The following DCTN2 variants were observed in gnomAD, a reference collection of about 807,000 sequenced individuals.
DCTN2 encodes 50 kDa dynein-associated polypeptide.
Under a neutral mutation model 55.4 loss-of-function variants are expected in DCTN2, and 18 were observed. That is an observed-to-expected ratio of 0.32 (90% CI 0.22 to 0.48). DCTN2 has a LOEUF of 0.48. Among genes scored for constraint, DCTN2 ranks in the 20% least tolerant of loss-of-function variants. The pLI is 0.99. For missense variants in DCTN2, 390 were observed against 491.0 expected (o/e 0.79, Z 1.94); for synonymous variants, 168 against 185.2 (o/e 0.91, Z 0.76).
chr12:57,542,211 G>T (rs186315109), intron 2 of DCTN2, among the ~76,000 whole-genome samples: 1 of 152,070 alleles, frequency 6.6e-6, no homozygotes, highest in Non-Finnish European at 1.5e-5. Flanking sequence ...GGGAGGTGGA[G>T]GTTACAGTGA....
At chr12:57,539,950 C>T (rs1372124246) in intron 2 of DCTN2, 2 of 265,710 alleles carry the variant, frequency 7.5e-6, no homozygotes, top group Non-Finnish European at 5.8e-6. Flanking sequence ...CATTTGAACC[C>T]GGGAGGTGGA....
chr12:57,546,404 C>T lies in DCTN2; in HGVS notation c.37-308G>A, dbSNP rs542787979. ...ATTGCCAAAGAAGGTGAAGGCTATCCTCCAATTAGGCCCCGTACACCACCA... is the reference window on the plus strand; with the variant it reads ...ATTGCCAAAGAAGGTGAAGGCTATCTTCCAATTAGGCCCCGTACACCACCA... On this transcript the variant is annotated intron_variant, in intron 1 of 13. Transcript: ENST00000548249. Among the ~76,000 whole-genome samples the T allele has an allele frequency of 3.9e-5, 6 of 152,170 alleles. No homozygotes were observed. In the East Asian group the frequency reaches 7.7e-4, roughly 20 times the overall value.
chr12:57,537,768 C>T (rs1005526765), intron 2 of DCTN2, among the ~76,000 whole-genome samples: 1 of 152,148 alleles, frequency 6.6e-6, no homozygotes, highest in African/African-American at 2.4e-5. Flanking sequence ...GGGGGAGAGA[C>T]ATTTGAGTCC....
At chr12:57,546,467 T>A (rs550187526) in intron 1 of DCTN2, among the ~76,000 whole-genome samples, 1 of 152,050 alleles carries the variant, frequency 6.6e-6, no homozygotes, top group South Asian at 2.1e-4. Context: ...AGGACCTTAG[T>A]ACTCAAGGTC....
At position 57,534,280 on chromosome 12, in the gene DCTN2, T is replaced by G. The variant is rs199688732; in HGVS notation, c.524+12A>C. On this transcript the variant is annotated intron_variant, in intron 6 of 13. Transcript: ENST00000548249. ...AGTCAGCAATGATTTTTCAACAAAG[T>G]AGGGTACCCACTTAGCCAGGGCGCC... 1 of 1,573,156 alleles carries G rather than the reference T, an allele frequency of 6.4e-7. No individual in the cohort carries two copies.
In DCTN2 at chr12:57,533,995, T is replaced by C. The variant is rs754914645; in HGVS notation, c.627A>G (p.Leu209=). The change falls in exon 7 of 14, where the codon CTA becomes CTG. Residue 209 remains leucine (L), a synonymous_variant. Coordinates refer to ENST00000548249, the MANE Select transcript of DCTN2 (RefSeq NM_001261413.2). ...ACTTGTCCTGCTCAGGCCGAGAATG[T>C]AGTTCATAAGTGACAAGGCTGCTAT... ...PPDSSLVTYE[L]HSRPEQDKFS... is the part of the protein sequence containing the mutation. 3 of 1,613,622 alleles carry C rather than the reference T, an allele frequency of 1.9e-6. No individual in the cohort carries two copies. The highest frequency in any genetic ancestry group is 1.1e-5 in the South Asian group (1 of 91,020).
In DCTN2 at chr12:57,546,049, A is replaced by G. The variant is rs1410904029; in HGVS notation, c.84T>C (p.Asp28=). The change falls in exon 2 of 14, where the codon GAT becomes GAC. Residue 28 remains aspartate, a synonymous_variant. Coordinates refer to ENST00000548249, the MANE Select transcript of DCTN2 (RefSeq NM_001261413.2). The part of the protein sequence containing the change: ...DVYETSDLPE[D]DQAEFDAEEL... ...TTACCGCATCGAACTCCGCTTGATC[A>G]TCCTCAGGTAGGTCGCTAGTTTCAT... 1 of 1,613,834 alleles carries G rather than the reference A, an allele frequency of 6.2e-7. No individual in the cohort carries two copies. Among genetic ancestry groups the G allele is most frequent in the South Asian group, 1.1e-5 (1 of 91,074 alleles).
At chr12:57,535,907 C>G in intron 2 of DCTN2, 62 bp from the exon 3 acceptor site, 1 of 1,285,432 alleles carries the variant, frequency 7.8e-7, no homozygotes, top group Non-Finnish European at 1.1e-6. Flanking sequence ...CTTACTCTAC[C>G]CCACAAAATC....
At chr12:57,533,115 T>C in intron 8 of DCTN2, 93 bp from the exon 9 acceptor site, 1 of 1,553,680 alleles carries the variant, frequency 6.4e-7, no homozygotes, top group Non-Finnish European at 8.8e-7. Flanking sequence ...GGGAACCCAC[T>C]AGCTGATCCC....
intron 4 of DCTN2, 92 bp from the exon 5 acceptor site, chr12:57,535,246 T>C (rs1384338728): frequency 2.0e-5 from 22 of 1,107,244 alleles, no homozygotes; most frequent in Non-Finnish European, 2.8e-5. Flanking sequence ...CATAAAGGTA[T>C]CATATCCAAT....
chr12:57,535,346 C>A (rs1265585798), intron 4 of DCTN2, 138 bp downstream of exon 4: 4 of 1,212,616 alleles, frequency 3.3e-6, no homozygotes, highest in Non-Finnish European at 4.7e-6. Context: ...GGCAGAGTTT[C>A]CCTGGCTGCA....
chr12:57,531,203 A>G (rs1037806527), intron 13 of DCTN2, among the ~76,000 whole-genome samples: 2 of 152,182 alleles, frequency 1.3e-5, no homozygotes, highest in South Asian at 2.1e-4. Context: ...TCCTTCCAGC[A>G]CTGAGAACAG....
intron 2 of DCTN2, among the ~76,000 whole-genome samples, chr12:57,545,776 A>T (rs571965242): frequency 1.3e-5 from 2 of 152,236 alleles, no homozygotes; most frequent in South Asian, 4.2e-4. Context: ...ATTTTATTTA[A>T]AAGGCCCAAG....
At chr12:57,544,476 G>A (rs193101606) in intron 2 of DCTN2, among the ~76,000 whole-genome samples, 4 of 149,876 alleles carry the variant, frequency 2.7e-5, no homozygotes, top group East Asian at 2.0e-4. Flanking sequence ...GTGCAGTGGC[G>A]CAATCTCGGC....
intron 2 of DCTN2, chr12:57,543,107 T>C: frequency 2.3e-6 from 1 of 444,268 alleles, no homozygotes; most frequent in Non-Finnish European, 4.5e-6. Context: ...CCCAGCACTT[T>C]GGGAGGCCAA....
At chr12:57,535,189 C>T (rs752969904) in intron 4 of DCTN2, 35 bp from the exon 5 acceptor site, 66 of 1,526,332 alleles carry the variant, frequency 4.3e-5, no homozygotes, top group Non-Finnish European at 5.8e-5. Flanking sequence ...TGTTATATGT[C>T]TCATTACAGG....
At chr12:57,544,952 T>G (rs1250486545) in intron 2 of DCTN2, among the ~76,000 whole-genome samples, 1 of 152,080 alleles carries the variant, frequency 6.6e-6, no homozygotes, top group Admixed American at 6.6e-5. Context: ...AACACACCAC[T>G]GGGAGAAGGG....
intron 8 of DCTN2, 76 bp downstream of exon 8, chr12:57,533,162 A>G: frequency 1.3e-6 from 2 of 1,581,378 alleles, no homozygotes; most frequent in Non-Finnish European, 1.7e-6. Context: ...TCCCAGGCTT[A>G]TGTGGAATGT....
At chr12:57,546,851 G>A (rs1341737937) in intron 1 of DCTN2, among the ~76,000 whole-genome samples, 177 bp downstream of exon 1, 1 of 152,206 alleles carries the variant, frequency 6.6e-6, no homozygotes, top group East Asian at 1.9e-4. Flanking sequence ...CCGGCGGCCC[G>A]GCCCAGTCGG....
Sources: allele counts gnomAD v4.1 joint callset (sites outside exome capture counted in the v4.1 genomes callset), GRCh38; gene constraint gnomAD v4.1.1; transcripts MANE v1.5; gene names NCBI Gene and HGNC (gene_info 2026-07-23, HGNC 2026-07-21).